Variants in HES1 observed in about 807,000 individuals in gnomAD.
HES1 encodes transcription factor HES-1.
HES1 carries 7 observed loss-of-function variants against 21.0 expected under a neutral mutation model. That is an observed-to-expected ratio of 0.33 (90% CI 0.19 to 0.63). The LOEUF (loss-of-function observed/expected upper bound fraction) is 0.63. HES1 is among the 20% of genes least tolerant of loss of function. The pLI is 0.78. For synonymous variants in HES1, 169 were observed against 171.2 expected, an observed-to-expected ratio of 0.99 and a Z score of 0.10; for missense variants, 338 against 389.8, an observed-to-expected ratio of 0.87 and a Z score of 1.12.
Position 194,137,807 on chromosome 3 carries a change from G to T in HES1, c.417G>T (p.Leu139=), listed in dbSNP as rs1201449261. The T allele has an allele frequency of 1.9e-6, 3 of 1,613,464 alleles. No homozygotes were observed. The highest frequency in any genetic ancestry group is 8.5e-7 in the Non-Finnish European group (1 of 1,179,904). The change falls in exon 4 of 4, where the codon CTG becomes CTT. Residue 139 remains leucine, a synonymous_variant. Transcript: ENST00000232424. The surrounding 1 kb of genome is among the most constrained non-coding windows in gnomAD (Gnocchi z 5.4). ...EGVNTEVRTR[L]LGHLANCMTQ... is the part of the protein sequence containing the mutation. Reference sequence around the variant, plus strand: ...TTAATACCGAGGTGCGCACTCGGCTGCTCGGCCACCTGGCCAACTGCATGA... The same window carrying T: ...TTAATACCGAGGTGCGCACTCGGCTTCTCGGCCACCTGGCCAACTGCATGA...
Position 194,137,243 on chromosome 3 carries a change from A to AGAGGTT in HES1, c.292+197_292+202dup, listed in dbSNP as rs1194107382. 1.1e-5 allele frequency: 7 copies of AGAGGTT among 630,206 alleles called. No individual in the cohort carries two copies. The highest frequency in any genetic ancestry group is 1.1e-4 in the African/African-American group (6 of 54,458). 39.0% of individuals were successfully genotyped at this position (630,206 alleles called of 1,614,324 possible). ...GTTACTGTTCCGGAAAGGGAGGGAA[A>AGAGGTT]GAGGTTGCAGCCGCGAGGGTGGCGG... On this transcript the variant is annotated intron_variant, in intron 3 of 3. Transcript: ENST00000232424. This position sits in a 1 kb window ranked among gnomAD's most constrained non-coding sequence, Gnocchi z 5.4.
In HES1 at chr3:194,137,873, C is replaced by T; in HGVS notation, c.483C>T (p.Pro161=). 2 of 1,502,904 alleles carry T rather than the reference C, an allele frequency of 1.3e-6. No homozygotes were observed. Among genetic ancestry groups the T allele is most frequent in the South Asian group, 1.3e-5 (1 of 74,270 alleles). The allele number at this position is 1,502,904 out of a possible 1,614,324, so 93.1% of individuals were successfully genotyped here. A position where few individuals can be genotyped will look rare whatever the true frequency, so the allele number is the denominator to read the frequency against. Residue 161 remains proline (P), a synonymous_variant, in exon 4 of 4, where the codon CCC becomes CCT. Coordinates refer to ENST00000232424, the MANE Select transcript of HES1 (RefSeq NM_005524.4). This position sits in a 1 kb window ranked among gnomAD's most constrained non-coding sequence, Gnocchi z 5.4. The stretch of plus-strand genomic sequence containing the variant: ...TGACCTACCCCGGGCAGCCGCACCC[C>T]GCCTTGCAGGCGCCGCCACCGCCCC... The part of the protein sequence containing the change: ...NAMTYPGQPH[P]ALQAPPPPPP...
At chr3:194,136,793 G>A (rs1715351373) in intron 2 of HES1, 81 bp downstream of exon 2, 2 of 1,436,482 alleles carry the variant, frequency 1.4e-6, no homozygotes, top group African/African-American at 1.4e-5. Context: ...CCCCCGCCCT[G>A]CGGGGTCTGG....
In HES1 at chr3:194,137,840, C is replaced by G; in HGVS notation, c.450C>G (p.Ile150Met). 6.2e-7 allele frequency: 1 copy of G among 1,607,638 alleles called. No homozygotes were observed. Among genetic ancestry groups the G allele is most frequent in the Non-Finnish European group, 8.5e-7 (1 of 1,177,302 alleles). ...ACCTGGCCAACTGCATGACCCAGAT[C>G]AATGCCATGACCTACCCCGGGCAGC... ...LGHLANCMTQ[I>M]NAMTYPGQPH... is the part of the protein sequence containing the mutation. The change falls in exon 4 of 4, where the codon ATC (isoleucine) becomes ATG (methionine). Residue 150 changes from isoleucine to methionine, a missense_variant. Transcript: ENST00000232424. This position sits in a 1 kb window ranked among gnomAD's most constrained non-coding sequence, Gnocchi z 5.4.
In HES1 at chr3:194,138,298, C is replaced by G; in HGVS notation, c.*65C>G. 1 of 1,406,690 alleles carries G rather than the reference C, an allele frequency of 7.1e-7. No homozygotes were observed. Among genetic ancestry groups the G allele is most frequent in the Non-Finnish European group, 9.3e-7 (1 of 1,075,536 alleles). The allele number at this position is 1,406,690 out of a possible 1,614,324, so 87.1% of individuals were successfully genotyped here. ...ACCTCTCTTCCCTCCGGACTCTAAA[C>G]AGGAACTTGAATACTGGGAGAGAAG... On this transcript the variant is annotated 3_prime_UTR_variant, in exon 4 of 4. Coordinates refer to ENST00000232424, the MANE Select transcript of HES1 (RefSeq NM_005524.4).
At position 194,136,297 on chromosome 3, in the gene HES1, A is replaced by AT. The variant is rs1316778929; in HGVS notation, c.-84_-83insT. The AT allele has an allele frequency of 2.5e-6, 2 of 809,344 alleles. No individual in the cohort carries two copies. The highest frequency in any genetic ancestry group is 3.9e-6 in the Non-Finnish European group (2 of 506,562). 50.1% of individuals were successfully genotyped at this position (809,344 alleles called of 1,614,324 possible). A position where few individuals can be genotyped will look rare whatever the true frequency, so the allele number is the denominator to read the frequency against. On this transcript the variant is annotated 5_prime_UTR_variant, in exon 1 of 4. Coordinates refer to ENST00000232424, the MANE Select transcript of HES1 (RefSeq NM_005524.4). Reference sequence around the variant, plus strand: ...AGTAGTTTTGTGAAAGTCTCAAGTAAAAGAGACACAAACAAAAAATTCTTT... The same window carrying AT: ...AGTAGTTTTGTGAAAGTCTCAAGTAATAAGAGACACAAACAAAAAATTCTTT...
rs537582585 is a variant in HES1 at position 194,136,454 on chromosome 3, C to T, written c.74C>T (p.Pro25Leu). ...ACCCCAGCCAGTGTCAACACGACAC[C>T]GGATAAACCAAAGACAGCATCTGAG... ...AATPASVNTT[P>L]DKPKTASEHR... The change falls in exon 1 of 4, where the codon CCG becomes CTG. Residue 25 changes from proline (P) to leucine (L), a missense_variant. By Grantham distance (98) the Pro-to-Leu change is moderately conservative. Transcript: ENST00000232424. 2 of 1,612,314 alleles carry T rather than the reference C, an allele frequency of 1.2e-6. No individual in the cohort carries two copies. The highest frequency in any genetic ancestry group is 1.1e-5 in the South Asian group (1 of 90,806).
chr3:194,137,686 C>T lies in HES1; in HGVS notation c.296C>T (p.Ala99Val), dbSNP rs1431712563. Reference protein sequence around the residue: ...RNLQRAQMTAALSTDPSVLGK... With the variant: ...RNLQRAQMTAVLSTDPSVLGK... ...TCTGTCTCTTTCTGGCCCGCAGCTG[C>T]GCTGAGCACAGACCCAAGTGTGCTG... Residue 99 changes from alanine (A) to valine (V), a missense_variant, in exon 4 of 4, where the codon GCG becomes GTG. By Grantham distance (64) the Ala-to-Val change is moderately conservative. Coordinates refer to ENST00000232424, the MANE Select transcript of HES1 (RefSeq NM_005524.4). The surrounding 1 kb of genome is among the most constrained non-coding windows in gnomAD (Gnocchi z 5.4). 6.3e-7 allele frequency: 1 copy of T among 1,590,738 alleles called. No homozygotes were observed. The highest frequency in any genetic ancestry group is 8.6e-7 in the Non-Finnish European group (1 of 1,166,778).
Position 194,138,122 on chromosome 3 carries a change from C to T in HES1, c.732C>T (p.Val244=), listed in dbSNP as rs1319885545. The change falls in exon 4 of 4, where the codon GTC becomes GTT. Residue 244 remains valine, a synonymous_variant. Coordinates refer to ENST00000232424, the MANE Select transcript of HES1 (RefSeq NM_005524.4). ...PNGAFAHSGP[V]IPVYTSNSGT... ...GGGCCTTCGCGCACAGCGGCCCTGT[C>T]ATCCCCGTCTACACCAGCAACAGCG... 2 of 1,612,846 alleles carry T rather than the reference C, an allele frequency of 1.2e-6. No individual in the cohort carries two copies. Among genetic ancestry groups the T allele is most frequent in the Non-Finnish European group, 1.7e-6 (2 of 1,179,662 alleles).
Position 194,136,317 on chromosome 3 carries a change from T to A in HES1, c.-64T>A. On this transcript the variant is annotated 5_prime_UTR_variant, in exon 1 of 4. Coordinates refer to ENST00000232424, the MANE Select transcript of HES1 (RefSeq NM_005524.4). ...AAGTAAAAGAGACACAAACAAAAAA[T>A]TCTTTTTCGTGAAGAACTCCAAAAA... 1 of 994,364 alleles carries A rather than the reference T, an allele frequency of 1.0e-6. No individual in the cohort carries two copies. The allele number at this position is 994,364 out of a possible 1,614,324, so 61.6% of individuals were successfully genotyped here.
chr3:194,136,808 C>T lies in HES1; in HGVS notation c.204+96C>T, dbSNP rs771772450. 10 of 1,383,798 alleles carry T rather than the reference C, an allele frequency of 7.2e-6. No individual in the cohort carries two copies. The East Asian group carries it at 2.3e-4, about 32-fold the overall frequency. 85.7% of individuals were successfully genotyped at this position (1,383,798 alleles called of 1,614,324 possible). Reference sequence around the variant, plus strand: ...CCCCCGCCCTGCGGGGTCTGGCACTCGCTGGTACTGCGTTCTCCCAGGCGG... The same window carrying T: ...CCCCCGCCCTGCGGGGTCTGGCACTTGCTGGTACTGCGTTCTCCCAGGCGG... On this transcript the variant is annotated intron_variant, in intron 2 of 3. Transcript: ENST00000232424.
chr3:194,138,248 C>T lies in HES1; in HGVS notation c.*15C>T, dbSNP rs371726631. 13 of 1,531,042 alleles carry T rather than the reference C, an allele frequency of 8.5e-6. No individual in the cohort carries two copies. The highest frequency in any genetic ancestry group is 1.7e-4 in the Middle Eastern group (1 of 5,824). 94.8% of individuals were successfully genotyped at this position (1,531,042 alleles called of 1,614,324 possible). A position where few individuals can be genotyped will look rare whatever the true frequency, so the allele number is the denominator to read the frequency against. ...GGCGGAACTGAGGGGGCTCAGGCCACCCCTCCTCCTAAACTCCCCAACCCA... is the reference window on the plus strand; with the variant it reads ...GGCGGAACTGAGGGGGCTCAGGCCATCCCTCCTCCTAAACTCCCCAACCCA... On this transcript the variant is annotated 3_prime_UTR_variant, in exon 4 of 4. Transcript: ENST00000232424.
Position 194,138,428 on chromosome 3 carries a change from A to G in HES1, c.*195A>G. On this transcript the variant is annotated 3_prime_UTR_variant, in exon 4 of 4. Coordinates refer to ENST00000232424, the MANE Select transcript of HES1 (RefSeq NM_005524.4). Reference sequence around the variant, plus strand: ...GTGACTGACCATGCACTATATTTGTATATATTTTATATGTTCATATTGGAT... The same window carrying G: ...GTGACTGACCATGCACTATATTTGTGTATATTTTATATGTTCATATTGGAT... The G allele has an allele frequency of 9.2e-6, 4 of 432,784 alleles. No individual in the cohort carries two copies. The highest frequency in any genetic ancestry group is 6.0e-4 in the Middle Eastern group (1 of 1,674). 26.8% of individuals were successfully genotyped at this position (432,784 alleles called of 1,614,324 possible). A position where few individuals can be genotyped will look rare whatever the true frequency, so the allele number is the denominator to read the frequency against.
In HES1 at chr3:194,137,069, C is replaced by T. The variant is rs779025770; in HGVS notation, c.292+21C>T. 107 of 1,604,546 alleles carry T rather than the reference C, an allele frequency of 6.7e-5. No individual in the cohort carries two copies. Among genetic ancestry groups the T allele is most frequent in the Admixed American group, 1.7e-4 (10 of 59,980 alleles). ...GACGGGTGAGGGCGGCTCGCCGCGT[C>T]CCCCTGTGCGGGCGTCCCGCTCGCC... On this transcript the variant is annotated intron_variant, in intron 3 of 3. Transcript: ENST00000232424. The surrounding 1 kb of genome is among the most constrained non-coding windows in gnomAD (Gnocchi z 5.4).
In HES1 at chr3:194,137,552, A is replaced by C. The variant is rs1038408562; in HGVS notation, c.293-131A>C. Reference sequence around the variant, plus strand: ...GGCTGGTTTTTTCTAAACCCATCTCACCCTCCCTGCCGGAGGCAGTTTCAC... The same window carrying C: ...GGCTGGTTTTTTCTAAACCCATCTCCCCCTCCCTGCCGGAGGCAGTTTCAC... On this transcript the variant is annotated intron_variant, in intron 3 of 3. Coordinates refer to ENST00000232424, the MANE Select transcript of HES1 (RefSeq NM_005524.4). This position sits in a 1 kb window ranked among gnomAD's most constrained non-coding sequence, Gnocchi z 5.4. 2 of 953,556 alleles carry C rather than the reference A, an allele frequency of 2.1e-6. No homozygotes were observed. The highest frequency in any genetic ancestry group is 3.0e-6 in the Non-Finnish European group (2 of 670,394). 59.1% of individuals were successfully genotyped at this position (953,556 alleles called of 1,614,324 possible).
chr3:194,137,120 G>C lies in HES1; in HGVS notation c.292+72G>C. The C allele has an allele frequency of 7.5e-7, 1 of 1,331,408 alleles. No homozygotes were observed. The highest frequency in any genetic ancestry group is 2.1e-4 in the Middle Eastern group (1 of 4,860). 82.5% of individuals were successfully genotyped at this position (1,331,408 alleles called of 1,614,324 possible). ...TCGCGGTGATTTCTTCCAGACTTCC[G>C]CCCGTGGTTGTGAGAGGCATTCAGC... On this transcript the variant is annotated intron_variant, in intron 3 of 3. Coordinates refer to ENST00000232424, the MANE Select transcript of HES1 (RefSeq NM_005524.4). This position sits in a 1 kb window ranked among gnomAD's most constrained non-coding sequence, Gnocchi z 5.4.
In HES1 at chr3:194,137,991, GC is replaced by G; in HGVS notation, c.606del (p.Cys203AlafsTer113). On this transcript the variant is annotated frameshift_variant, in exon 4 of 4. Transcript: ENST00000232424. LOFTEE classifies it high-confidence loss of function. This position sits in a 1 kb window ranked among gnomAD's most constrained non-coding sequence, Gnocchi z 5.4. ...GGGCGCGGCGCCCCCTCCCGGCGGC[GC>G]CCCCTGCAAGCTGGGCAGCCAGGCT... is the stretch of plus-strand genomic sequence containing the variant. ...PGGAAPPPGG[A>X]PCKLGSQAGE... is the part of the protein sequence containing the mutation. 2 of 1,444,626 alleles carry G rather than the reference GC, an allele frequency of 1.4e-6. No homozygotes were observed. The highest frequency in any genetic ancestry group is 2.3e-5 in the Admixed American group (1 of 43,972). 89.5% of individuals were successfully genotyped at this position (1,444,626 alleles called of 1,614,324 possible).
At chr3:194,136,784 C>A in intron 2 of HES1, 72 bp downstream of exon 2, 1 of 1,480,056 alleles carries the variant, frequency 6.8e-7, no homozygotes, top group Non-Finnish European at 9.4e-7. Flanking sequence ...GAGTGAAACC[C>A]CCCGCCCTGC....
Position 194,136,172 on chromosome 3 carries a change from A to T in HES1, c.-209A>T, listed in dbSNP as rs531364020. ...CACACAGGATCCGGAGCTGGTGCTGATAACAGCGGAATCCCCCGTCTACCT... is the reference window on the plus strand; with the variant it reads ...CACACAGGATCCGGAGCTGGTGCTGTTAACAGCGGAATCCCCCGTCTACCT... On this transcript the variant is annotated 5_prime_UTR_variant, in exon 1 of 4. Coordinates refer to ENST00000232424, the MANE Select transcript of HES1 (RefSeq NM_005524.4). The T allele has an allele frequency of 9.6e-6, 5 of 520,496 alleles. No homozygotes were observed. Among genetic ancestry groups the T allele is most frequent in the African/African-American group, 1.9e-5 (1 of 52,162 alleles). The allele number at this position is 520,496 out of a possible 1,614,324, so 32.2% of individuals were successfully genotyped here.
Sources: gnomAD v4.1 joint callset for allele counts on GRCh38, gnomAD v4.1.1 for gene constraint, Gnocchi (gnomAD v3.1) non-coding constraint, MANE v1.5 for transcripts, NCBI Gene and HGNC (gene_info 2026-07-23, HGNC 2026-07-21) for gene names.